GRIN2A: variants seen among roughly 807,000 people sequenced by gnomAD.
GRIN2A encodes glutamate ionotropic receptor NMDA type subunit 2A, also known as glutamate receptor ionotropic, NMDA 2A.
Under a neutral mutation model 113.4 loss-of-function variants are expected in GRIN2A, and 22 were observed. That is an observed-to-expected ratio of 0.19 (90% CI 0.14 to 0.28). The LOEUF (loss-of-function observed/expected upper bound fraction) is 0.28. GRIN2A is among the 10% of genes least tolerant of loss of function. The probability of loss-of-function intolerance (pLI) is 1.00; values close to 1 mark genes in which losing one functional copy is unlikely to be tolerated. For synonymous variants in GRIN2A, 827 were observed against 738.4 expected, an observed-to-expected ratio of 1.12 and a Z score of -1.94; for missense variants, 1,502 against 1,887.0, an observed-to-expected ratio of 0.80 and a Z score of 3.78.
At chr16:9,957,472 T>C (rs922410206) in intron 2 of GRIN2A, among the ~76,000 whole-genome samples, 2 of 152,220 alleles carry the variant, frequency 1.3e-5, no homozygotes, top group East Asian at 1.9e-4. Flanking sequence ...ACTTTTTTCA[T>C]GCCTTCCCAT....
intron 2 of GRIN2A, among the ~76,000 whole-genome samples, chr16:9,974,946 C>A (rs2045746208): frequency 6.6e-6 from 1 of 152,154 alleles, no homozygotes. Flanking sequence ...TCTCAATTTT[C>A]ACCACTGAGT....
chr16:9,840,599 C>T (rs748514586), intron 7 of GRIN2A, 48 bp downstream of exon 7: 2 of 1,565,084 alleles, frequency 1.3e-6, no homozygotes, highest in Non-Finnish European at 1.8e-6. Flanking sequence ...AACAAGATTT[C>T]CTACAATTCC....
chr16:9,891,255 A>G (rs754944893), intron 3 of GRIN2A, among the ~76,000 whole-genome samples, 155 bp from the exon 4 acceptor site: 27 of 152,236 alleles, frequency 1.8e-4, no homozygotes, highest in Non-Finnish European at 3.8e-4. Flanking sequence ...ATTAATAACC[A>G]TGCAACCATT....
chr16:9,898,430 A>T (rs1446548440), intron 3 of GRIN2A, among the ~76,000 whole-genome samples: 1 of 152,144 alleles, frequency 6.6e-6, no homozygotes, highest in African/African-American at 2.4e-5. Flanking sequence ...TTTCTATTTT[A>T]TCTCTTTCGT....
Position 9,763,973 on chromosome 16 carries a change from A to C in GRIN2A, c.3571T>G (p.Phe1191Val), listed in dbSNP as rs562833714. ...NDQYKLYSKH[F>V]TLKDKGSPHS... ...GGGGAACCCTTGTCTTTCAAGGTGAAGTGCTTGGAGTAGAGTTTATACTGG... is the reference window on the plus strand; with the variant it reads ...GGGGAACCCTTGTCTTTCAAGGTGACGTGCTTGGAGTAGAGTTTATACTGG... Residue 1191 changes from phenylalanine to valine, a missense_variant, in exon 13 of 13, where the codon TTC (phenylalanine) becomes GTC (valine). By Grantham distance (50) the Phe-to-Val change is conservative. This residue lies in a region of GRIN2A where 832 missense variants were observed against 789.7 expected (regional missense o/e 1.05). Transcript: ENST00000330684. 3 of 1,614,098 alleles carry C rather than the reference A, an allele frequency of 1.9e-6. No individual in the cohort carries two copies. The highest frequency in any genetic ancestry group is 2.2e-5 in the South Asian group (2 of 91,080).
intron 2 of GRIN2A, among the ~76,000 whole-genome samples, chr16:10,010,527 T>C (rs540301513): frequency 6.6e-6 from 1 of 152,334 alleles, no homozygotes; most frequent in South Asian, 2.1e-4. Flanking sequence ...AGTACCTACC[T>C]GTAAAAATGT....
intron 4 of GRIN2A, among the ~76,000 whole-genome samples, chr16:9,871,071 G>C (rs931038912): frequency 4.0e-5 from 6 of 151,674 alleles, no homozygotes; most frequent in African/African-American, 1.5e-4. Context: ...CCCTATTACA[G>C]CCCAGATCTC....
intron 4 of GRIN2A, among the ~76,000 whole-genome samples, chr16:9,881,227 A>G (rs2043475004): frequency 6.6e-6 from 1 of 152,250 alleles, no homozygotes; most frequent in Admixed American, 6.5e-5. Flanking sequence ...ATTTGCCAGA[A>G]GTTATTCAAG....
At position 10,129,931 on chromosome 16, in the gene GRIN2A, A is replaced by C. The variant is rs1246413267; in HGVS notation, c.414+50067T>G. Reference sequence around the variant, plus strand: ...CATAAGGAGTTGCAGTGAAGGTAGAAGCATGTTTCATGGATCTGTGTTAAG... The same window carrying C: ...CATAAGGAGTTGCAGTGAAGGTAGACGCATGTTTCATGGATCTGTGTTAAG... On this transcript the variant is annotated intron_variant, in intron 2 of 12. Transcript: ENST00000330684. 2.6e-5 allele frequency among the ~76,000 whole-genome samples: 4 copies of C among 152,338 alleles called. No individual in the cohort carries two copies. In the East Asian group the frequency reaches 7.7e-4, roughly 29 times the overall value.
At chr16:10,039,181 T>C (rs2047095244) in intron 2 of GRIN2A, among the ~76,000 whole-genome samples, 1 of 150,112 alleles carries the variant, frequency 6.7e-6, no homozygotes, top group Admixed American at 6.7e-5. Context: ...TGATAGACAG[T>C]GAGTGGAAAA....
At chr16:10,040,964 A>AGG (rs2047157314) in intron 2 of GRIN2A, among the ~76,000 whole-genome samples, 1 of 152,156 alleles carries the variant, frequency 6.6e-6, no homozygotes. Context: ...TGCTTATCCT[A>AGG]AGCCCTTCCT....
At position 9,764,218 on chromosome 16, in the gene GRIN2A, T is replaced by A. The variant is rs2141133448; in HGVS notation, c.3326A>T (p.Lys1109Ile). 5.9e-6 allele frequency: 8 copies of A among 1,364,526 alleles called. No homozygotes were observed. Among genetic ancestry groups the A allele is most frequent in the Non-Finnish European group, 7.6e-6 (8 of 1,049,124 alleles). The allele number at this position is 1,364,526 out of a possible 1,614,324, so 84.5% of individuals were successfully genotyped here. A position where few individuals can be genotyped will look rare whatever the true frequency, so the allele number is the denominator to read the frequency against. Reference protein sequence around the residue: ...SEVERTYLKTKSSSPRDKIYT... With the variant: ...SEVERTYLKTISSSPRDKIYT... ...GATCTTGTCTCTAGGGGAGCTTGAT[T>A]TGGTTTTCAGGTAGGTGCGCTCGAC... Residue 1109 changes from lysine to isoleucine, a missense_variant, in exon 13 of 13, where the codon AAA becomes ATA. This residue lies in a region of GRIN2A where 832 missense variants were observed against 789.7 expected (regional missense o/e 1.05). Transcript: ENST00000330684.
At chr16:9,988,276 T>C (rs923410429) in intron 2 of GRIN2A, among the ~76,000 whole-genome samples, 2 of 138,986 alleles carry the variant, frequency 1.4e-5, no homozygotes, top group African/African-American at 2.7e-5. Context: ...GGGGTGTGTG[T>C]GTGTGTGCGT....
intron 2 of GRIN2A, among the ~76,000 whole-genome samples, chr16:10,045,289 A>C (rs972771764): frequency 1.3e-5 from 2 of 152,208 alleles, no homozygotes; most frequent in African/African-American, 4.8e-5. Flanking sequence ...CCTTCAGGAA[A>C]GTATTATTTT....
At chr16:10,070,104 C>G (rs765358209) in intron 2 of GRIN2A, among the ~76,000 whole-genome samples, 2 of 152,210 alleles carry the variant, frequency 1.3e-5, no homozygotes, top group South Asian at 4.1e-4. Flanking sequence ...CTGCTCTTCT[C>G]TACCTGAGTG....
intron 2 of GRIN2A, among the ~76,000 whole-genome samples, chr16:10,120,299 T>G (rs1167974504): frequency 1.3e-5 from 2 of 152,186 alleles, no homozygotes; most frequent in African/African-American, 4.8e-5. Context: ...CCAGGGATGT[T>G]GCTATATATC....
In GRIN2A at chr16:9,902,068, T is replaced by C. The variant is rs557571283; in HGVS notation, c.1008-10968A>G. Among the ~76,000 whole-genome samples, 103 of 144,318 alleles carry C rather than the reference T, an allele frequency of 7.1e-4. 2 individuals are homozygous for C. The South Asian group carries it at 0.021, about 29-fold the overall frequency. The allele number at this position is 144,318 out of a possible 152,430, so 94.7% of individuals were successfully genotyped here. ...AACAGAGGTGGGTTTTATAATGGTG[T>C]GAAAAGCTATACGGGTCAAGAGACT... On this transcript the variant is annotated intron_variant, in intron 3 of 12. Transcript: ENST00000330684.
intron 2 of GRIN2A, among the ~76,000 whole-genome samples, chr16:10,042,673 C>A (rs1257233788): frequency 6.6e-6 from 1 of 152,170 alleles, no homozygotes; most frequent in East Asian, 1.9e-4. Flanking sequence ...CACAACACAG[C>A]CATCAGTACA....
At chr16:9,874,939 T>G (rs2043334842) in intron 4 of GRIN2A, among the ~76,000 whole-genome samples, 1 of 151,556 alleles carries the variant, frequency 6.6e-6, no homozygotes, top group Non-Finnish European at 1.5e-5. Flanking sequence ...TACAAAAAAA[T>G]TAGGCAGGTG....
Sources: allele counts gnomAD v4.1 joint callset (sites outside exome capture counted in the v4.1 genomes callset), GRCh38; gene constraint gnomAD v4.1.1; regional missense constraint gnomAD v4.1.1; transcripts MANE v1.5; gene names NCBI Gene and HGNC (gene_info 2026-07-23, HGNC 2026-07-21).